ZNF83: variants seen among roughly 807,000 people sequenced by gnomAD.
ZNF83 encodes zinc finger protein 816B.
For synonymous variants in ZNF83, 209 were observed against 213.0 expected (o/e 0.98, Z 0.17); for missense variants, 552 against 629.9 (o/e 0.88, Z 1.32).
At chr19:52,659,108 C>T (rs551530414) in intron 2 of ZNF83, among the ~76,000 whole-genome samples, 6 of 152,096 alleles carry the variant, frequency 3.9e-5, no homozygotes, top group African/African-American at 1.4e-4. Flanking sequence ...AGCTAATGCC[C>T]TCTTGTGAGG....
At chr19:52,672,992 T>C (rs1187529921) in intron 1 of ZNF83, among the ~76,000 whole-genome samples, 1 of 151,206 alleles carries the variant, frequency 6.6e-6, no homozygotes, top group Non-Finnish European at 1.5e-5. Flanking sequence ...AATGATTAAA[T>C]TGTACATATA....
intron 2 of ZNF83, among the ~76,000 whole-genome samples, chr19:52,627,879 A>T (rs1245989945): frequency 6.6e-6 from 1 of 152,106 alleles, no homozygotes; most frequent in Non-Finnish European, 1.5e-5. Context: ...TCCTTAACTG[A>T]TGACATTCCA....
intron 3 of ZNF83, among the ~76,000 whole-genome samples, chr19:52,646,628 T>A (rs2061376177): frequency 6.6e-6 from 1 of 152,206 alleles, no homozygotes; most frequent in African/African-American, 2.4e-5. Context: ...TTTCCTCTGC[T>A]GAGCTCACTC....
chr19:52,641,255 C>CA (rs1319804118), upstream of ZNF83, among the ~76,000 whole-genome samples: 1 of 152,146 alleles, frequency 6.6e-6, no homozygotes, highest in Non-Finnish European at 1.5e-5. Flanking sequence ...GAGTCCTAAG[C>CA]AGAAATATGG....
At chr19:52,679,487 T>A (rs1285661257) in intron 1 of ZNF83, among the ~76,000 whole-genome samples, 1 of 152,130 alleles carries the variant, frequency 6.6e-6, no homozygotes, top group African/African-American at 2.4e-5. Context: ...GGAGCATGCT[T>A]ATAAGCCCTG....
chr19:52,669,933 T>C (rs1415454643), intron 1 of ZNF83, among the ~76,000 whole-genome samples: 1 of 152,196 alleles, frequency 6.6e-6, no homozygotes, highest in Non-Finnish European at 1.5e-5. Context: ...GTTAAAGAAG[T>C]TTGAAGAGAA....
At chr19:52,646,713 C>G (rs1271999199) in intron 3 of ZNF83, among the ~76,000 whole-genome samples, 1 of 152,132 alleles carries the variant, frequency 6.6e-6, no homozygotes, top group Non-Finnish European at 1.5e-5. Context: ...ATACATCCCC[C>G]CCAACTACAC....
chr19:52,627,107 C>T (rs1053413319), intron 2 of ZNF83, among the ~76,000 whole-genome samples: 4 of 152,162 alleles, frequency 2.6e-5, no homozygotes, highest in Admixed American at 2.0e-4. Flanking sequence ...CCACAATGCA[C>T]CTTGTGACGC....
At chr19:52,613,422 T>C (rs1344255067) in exon 3 of ZNF83, 3 of 1,613,554 alleles carry the variant, frequency 1.9e-6, no homozygotes, top group South Asian at 1.1e-5. Flanking sequence ...TTTGACTGAA[T>C]GCTTTGTCAC....
At position 52,687,662 on chromosome 19, in the gene ZNF83, A is replaced by G. The variant is rs536754443; in HGVS notation, c.-283+2781T>C. 6.9e-5 allele frequency among the ~76,000 whole-genome samples: 7 copies of G among 102,144 alleles called. 1 individual carries two copies. The highest frequency in any genetic ancestry group is 2.5e-4 in the Admixed American group (2 of 8,036). 67.0% of individuals were successfully genotyped at this position (102,144 alleles called of 152,430 possible). ...ATATATATATATATATATATAATGT[A>G]TATATATATATAACTAGCCGGGCTT... On this transcript the variant is annotated intron_variant, in intron 1 of 5. Coordinates refer to the ZNF83 transcript ENST00000594682.
chr19:52,639,661 G>A (rs897182936), upstream of ZNF83, among the ~76,000 whole-genome samples: 3 of 151,706 alleles, frequency 2.0e-5, no homozygotes, highest in African/African-American at 7.3e-5. Flanking sequence ...CAAGTGATCT[G>A]ACTGCCTCAG....
At chr19:52,631,896 T>A (rs1267116736) in intron 2 of ZNF83, among the ~76,000 whole-genome samples, 1 of 151,204 alleles carries the variant, frequency 6.6e-6, no homozygotes, top group Non-Finnish European at 1.5e-5. Flanking sequence ...CTTCTCAGTG[T>A]TCCATCTGCT....
chr19:52,678,687 T>A (rs1353827858), intron 1 of ZNF83, among the ~76,000 whole-genome samples: 2 of 151,882 alleles, frequency 1.3e-5, no homozygotes, highest in African/African-American at 4.8e-5. Context: ...ATCAAAAATA[T>A]CTTTGTAGGC....
At chr19:52,673,582 A>T (rs1453564269) in intron 1 of ZNF83, among the ~76,000 whole-genome samples, 1 of 152,142 alleles carries the variant, frequency 6.6e-6, no homozygotes, top group Non-Finnish European at 1.5e-5. Context: ...TAAAAACCTT[A>T]AGCTTTTGAA....
At chr19:52,619,988 G>A (rs2060474267) in intron 2 of ZNF83, among the ~76,000 whole-genome samples, 1 of 152,162 alleles carries the variant, frequency 6.6e-6, no homozygotes, top group Non-Finnish European at 1.5e-5. Flanking sequence ...GGTACAGGTT[G>A]CAGTGAGCTA....
intron 1 of ZNF83, among the ~76,000 whole-genome samples, chr19:52,664,858 C>G (rs2061628236): frequency 6.6e-6 from 1 of 152,000 alleles, no homozygotes; most frequent in South Asian, 2.1e-4. Flanking sequence ...TTTCTGTTTT[C>G]CAGGTTTTGA....
At chr19:52,682,990 CCTT>C (rs2061947478) in intron 1 of ZNF83, among the ~76,000 whole-genome samples, 2 of 152,138 alleles carry the variant, frequency 1.3e-5, no homozygotes, top group Non-Finnish European at 2.9e-5. Context: ...CCTGTCTCAG[CCTT>C]TTGAGTAGCT....
At chr19:52,639,414 T>TTTTTTTTTC (rs777054409), upstream of ZNF83, among the ~76,000 whole-genome samples, 25 of 85,120 alleles carry the variant, frequency 2.9e-4, no homozygotes, top group South Asian at 3.4e-4. Flanking sequence ...TAGTTTTTTC[T>TTTTTTTTTC]ATTTTTTTTT....
chr19:52,638,847 T>C (rs368427912), upstream of ZNF83, among the ~76,000 whole-genome samples: 3 of 152,096 alleles, frequency 2.0e-5, no homozygotes, highest in East Asian at 3.9e-4. Context: ...AGCTGGGATA[T>C]GGGCGCGGGA....
Sources: allele counts gnomAD v4.1 joint callset (sites outside exome capture counted in the v4.1 genomes callset), GRCh38; gene constraint gnomAD v4.1.1; transcripts MANE v1.5; gene names NCBI Gene and HGNC (gene_info 2026-07-23, HGNC 2026-07-21).